The following MTIF2 variants were observed in gnomAD, a reference collection of about 807,000 sequenced individuals.
MTIF2 encodes mitochondrial translational initiation factor 2, also known as translation initiation factor IF-2, mitochondrial.
In MTIF2, 71 loss-of-function variants were observed where a neutral mutation model predicts 83.5. The ratio of observed to expected loss-of-function variants is 0.85; its 90% CI spans 0.70 to 1.04. The LOEUF (loss-of-function observed/expected upper bound fraction) is 1.04. MTIF2 is among the 50% of genes least tolerant of loss of function. The pLI, the probability that MTIF2 is intolerant of heterozygous loss-of-function variation, is 0.00. For synonymous variants in MTIF2, 319 were observed against 287.1 expected (o/e 1.11, Z -1.12); for missense variants, 957 against 846.5 (o/e 1.13, Z -1.62).
At chr2:55,265,556 G>A (rs1013764775) in intron 3 of MTIF2, among the ~76,000 whole-genome samples, 6 of 151,856 alleles carry the variant, frequency 4.0e-5, no homozygotes, top group African/African-American at 1.2e-4. Flanking sequence ...TCAATGGAGA[G>A]TACATTTCCA....
rs1678216188 is a variant in MTIF2, at chr2:55,263,700, C to T, written c.159G>A (p.Trp53Ter). Residue 53 changes from tryptophan to a stop codon, truncating the protein, a stop_gained, in exon 4 of 16, where the codon TGG (tryptophan) becomes TGA (stop). Transcript: ENST00000263629. LOFTEE classifies it high-confidence loss of function. The part of the protein sequence containing the change: ...VWTAQLCAWP[W>*]PTDVLTGAAL... The stretch of plus-strand genomic sequence containing the variant: ...CAGCCCCAGTGAGCACATCTGTTGG[C>T]CAGGGCCAGGCACACAGTTGAGCTG... 2 of 1,613,982 alleles carry T rather than the reference C, an allele frequency of 1.2e-6. No homozygotes were observed. Among genetic ancestry groups the T allele is most frequent in the Non-Finnish European group, 1.7e-6 (2 of 1,179,972 alleles).
intron 13 of MTIF2, among the ~76,000 whole-genome samples, chr2:55,240,520 A>G (rs1676228173): frequency 6.6e-6 from 1 of 152,144 alleles, no homozygotes; most frequent in Non-Finnish European, 1.5e-5. Flanking sequence ...CGGAGGTTGC[A>G]GTGAGCTGAG....
chr2:55,251,943 T>A (rs1488104198), intron 8 of MTIF2, among the ~76,000 whole-genome samples: 1 of 152,186 alleles, frequency 6.6e-6, no homozygotes, highest in Admixed American at 6.5e-5. Context: ...TATAATTACA[T>A]GTGTGGGTAT....
intron 5 of MTIF2, among the ~76,000 whole-genome samples, chr2:55,256,474 G>C (rs186574482): frequency 1.3e-5 from 2 of 151,870 alleles, no homozygotes. Context: ...TTGGGAGGCC[G>C]AGGCGGGCAG....
At position 55,254,033 on chromosome 2, in the gene MTIF2, G is replaced by A. The variant is rs746895032; in HGVS notation, c.664+8C>T. On this transcript the variant is annotated splice_region_variant and intron_variant, in intron 7 of 15. Transcript: ENST00000263629. ...CCAAGCACATTGTAAGGTAATTTGTGTTCATACCAAGAAAGGCACCAATGT... is the reference window on the plus strand; with the variant it reads ...CCAAGCACATTGTAAGGTAATTTGTATTCATACCAAGAAAGGCACCAATGT... 1.2e-6 allele frequency: 2 copies of A among 1,613,294 alleles called. No individual in the cohort carries two copies. The highest frequency in any genetic ancestry group is 1.7e-6 in the Non-Finnish European group (2 of 1,179,530).
At chr2:55,266,340 A>G (rs1373425482) in intron 3 of MTIF2, 1 of 151,984 alleles carries the variant, frequency 6.6e-6, no homozygotes, top group East Asian at 1.9e-4. Flanking sequence ...CCTGACCGAC[A>G]TGGTGAAACC....
intron 5 of MTIF2, 134 bp downstream of exon 5, chr2:55,262,182 A>G: frequency 1.5e-6 from 1 of 681,514 alleles, no homozygotes; most frequent in Non-Finnish European, 2.6e-6. Flanking sequence ...AAAGTGAAGA[A>G]TATTACAATG....
chr2:55,253,411 G>A (rs556345353), intron 7 of MTIF2, among the ~76,000 whole-genome samples: 2 of 152,290 alleles, frequency 1.3e-5, no homozygotes, highest in South Asian at 4.1e-4. Flanking sequence ...AGGCGCGGTG[G>A]CTCACACCTG....
rs747791518 is a variant in MTIF2, at chr2:55,243,621, C to G, written c.1359G>C (p.Gln453His). The G allele has an allele frequency of 3.1e-6, 5 of 1,613,982 alleles. No individual in the cohort carries two copies. The East Asian group carries it at 1.1e-4, about 36-fold the overall frequency. The part of the protein sequence containing the change: ...VVDWRKYEQE[Q>H]EKGQEDLKII... ...TTTTCAGATCCTCCTGACCTTTCTC[C>G]TGTTCTTGTTCATATTTCCTCCAGT... The change falls in exon 12 of 16, where the codon CAG becomes CAC. Residue 453 changes from glutamine (Q) to histidine (H), a missense_variant. This residue lies in a region of MTIF2 where 733 missense variants were observed against 648.7 expected (regional missense o/e 1.13). Coordinates refer to ENST00000263629, the MANE Select transcript of MTIF2 (RefSeq NM_002453.3).
chr2:55,266,599 T>C (rs2104487231), intron 3 of MTIF2: 1 of 148,798 alleles, frequency 6.7e-6, no homozygotes, highest in African/African-American at 2.4e-5. Flanking sequence ...ATATTTTATA[T>C]TTATATACAA....
chr2:55,239,969 T>C, intron 14 of MTIF2, 42 bp downstream of exon 14: 6 of 1,561,796 alleles, frequency 3.8e-6, no homozygotes, highest in Non-Finnish European at 4.4e-6. Context: ...TTATAGCACC[T>C]AATATACTAA....
chr2:55,239,901 C>T (rs1325294275), intron 14 of MTIF2, 110 bp downstream of exon 14: 5 of 934,024 alleles, frequency 5.4e-6, no homozygotes, highest in African/African-American at 1.7e-5. Flanking sequence ...TTCTAGAACA[C>T]AGGATATATC....
intron 8 of MTIF2, among the ~76,000 whole-genome samples, chr2:55,250,101 C>A (rs894483073): frequency 6.6e-6 from 1 of 151,992 alleles, no homozygotes; most frequent in Non-Finnish European, 1.5e-5. Flanking sequence ...CCAGAAAAAA[C>A]ACAACAAACA....
chr2:55,237,629 TCTTTTC>T (rs1675961536), intron 14 of MTIF2, among the ~76,000 whole-genome samples: 1 of 149,232 alleles, frequency 6.7e-6, no homozygotes, highest in African/African-American at 2.5e-5. Flanking sequence ...CTTTGGCTAT[TCTTTTC>T]CTTTTCTTTT....
intron 5 of MTIF2, 49 bp downstream of exon 5, chr2:55,262,267 C>A: frequency 7.8e-7 from 1 of 1,279,812 alleles, no homozygotes; most frequent in Non-Finnish European, 1.1e-6. Context: ...ATAAAATGCC[C>A]GGTCTTCCAA....
chr2:55,249,589 A>G, intron 8 of MTIF2, 55 bp from the exon 9 acceptor site: 1 of 1,589,348 alleles, frequency 6.3e-7, no homozygotes, highest in Admixed American at 1.7e-5. Flanking sequence ...AATTCCAGGT[A>G]TTCACAGTGA....
At chr2:55,242,854 T>TA in intron 13 of MTIF2, 86 bp downstream of exon 13, 3 of 1,393,778 alleles carry the variant, frequency 2.2e-6, no homozygotes, top group Non-Finnish European at 2.0e-6. Flanking sequence ...ATGTCAGGTG[T>TA]GACAAGCCAA....
chr2:55,262,655 G>A (rs1445114493), intron 4 of MTIF2, among the ~76,000 whole-genome samples: 1 of 143,014 alleles, frequency 7.0e-6, no homozygotes, highest in Non-Finnish European at 1.5e-5. Context: ...CCATTCTCCT[G>A]CCTCAGCCTC....
At chr2:55,257,919 A>G (rs1256180478) in intron 5 of MTIF2, among the ~76,000 whole-genome samples, 1 of 152,126 alleles carries the variant, frequency 6.6e-6, no homozygotes, top group Non-Finnish European at 1.5e-5. Flanking sequence ...CCTCCCAAGA[A>G]GCAGGAACTA....
Sources: gnomAD v4.1 joint callset for allele counts (sites outside exome capture counted in the v4.1 genomes callset) on GRCh38, gnomAD v4.1.1 for gene constraint, gnomAD v4.1.1 regional missense constraint, MANE v1.5 for transcripts, NCBI Gene and HGNC (gene_info 2026-07-23, HGNC 2026-07-21) for gene names.